The following DPY19L3 variants were observed in gnomAD, a reference collection of about 807,000 sequenced individuals.
The protein encoded by DPY19L3 is dpy-19 like C-mannosyltransferase 3.
DPY19L3 carries 51 observed loss-of-function variants against 92.3 expected under a neutral mutation model. That is an observed-to-expected ratio of 0.55 (90% confidence interval 0.44 to 0.70). The LOEUF (loss-of-function observed/expected upper bound fraction) is 0.70. DPY19L3 is among the 30% of genes least tolerant of loss of function. The pLI is 0.00. For missense variants in DPY19L3, 706 were observed against 855.9 expected (o/e 0.82, Z 2.18); for synonymous variants, 309 against 315.2 (o/e 0.98, Z 0.21).
intron 16 of DPY19L3, among the ~76,000 whole-genome samples, chr19:32,472,351 A>G (rs1260798928): frequency 6.6e-6 from 1 of 152,126 alleles, no homozygotes; most frequent in South Asian, 2.1e-4. Flanking sequence ...CGCCTTCCCT[A>G]AGAGCTGGGA....
intron 16 of DPY19L3, among the ~76,000 whole-genome samples, chr19:32,471,860 T>C (rs1970367972): frequency 6.6e-6 from 1 of 152,186 alleles, no homozygotes; most frequent in Admixed American, 6.5e-5. Context: ...ACCCAAGGGA[T>C]TGGATTCCTG....
At chr19:32,450,260 ACT>A (rs778609908) in intron 8 of DPY19L3, among the ~76,000 whole-genome samples, 17 of 152,084 alleles carry the variant, frequency 1.1e-4, no homozygotes, top group Non-Finnish European at 2.2e-4. Context: ...AGAAATCAGA[ACT>A]CTCATACATT....
In DPY19L3 at chr19:32,480,487, G is replaced by A. The variant is rs1350883082; in HGVS notation, c.1919G>A (p.Ser640Asn). ...ACTGACTACGTAATCCTGGAAGACA[G>A]CATCTGCTACGAGCGGAGGCACCGC... ...FGTDYVILEDSICYERRHRRG... is the reference protein window; with the variant it reads ...FGTDYVILEDNICYERRHRRG... The change falls in exon 18 of 19, where the codon AGC becomes AAC. Residue 640 changes from serine (S) to asparagine (N), a missense_variant. Coordinates refer to ENST00000392250, the MANE Select transcript of DPY19L3 (RefSeq NM_001172774.2). 9 of 1,614,220 alleles carry A rather than the reference G, an allele frequency of 5.6e-6. No homozygotes were observed. The highest frequency in any genetic ancestry group is 7.6e-6 in the Non-Finnish European group (9 of 1,180,032).
At chr19:32,436,406 AGT>A (rs1969140003) in intron 4 of DPY19L3, 38 bp from the exon 5 acceptor site, 3 of 1,348,534 alleles carry the variant, frequency 2.2e-6, no homozygotes, top group Non-Finnish European at 3.0e-6. Flanking sequence ...AATAATTATG[AGT>A]GTAATTATTT....
intron 3 of DPY19L3, among the ~76,000 whole-genome samples, chr19:32,415,582 C>T (rs1275701700): frequency 3.9e-5 from 6 of 152,102 alleles, no homozygotes; most frequent in Non-Finnish European, 5.9e-5. Context: ...GTAGAGGCAG[C>T]GATGTCATCG....
intron 16 of DPY19L3, among the ~76,000 whole-genome samples, chr19:32,474,953 C>A (rs780029656): frequency 1.4e-4 from 21 of 152,160 alleles, no homozygotes; most frequent in Non-Finnish European, 2.9e-4. Flanking sequence ...AATAGACCCT[C>A]AGCAATATTT....
At chr19:32,477,796 A>G in intron 17 of DPY19L3, 142 bp downstream of exon 17, 1 of 1,171,508 alleles carries the variant, frequency 8.5e-7, no homozygotes, top group Non-Finnish European at 1.2e-6. Context: ...CACGCTACTG[A>G]TAAAGGCATA....
At chr19:32,425,292 C>G (rs1968719461) in intron 3 of DPY19L3, among the ~76,000 whole-genome samples, 1 of 152,132 alleles carries the variant, frequency 6.6e-6, no homozygotes, top group Non-Finnish European at 1.5e-5. Flanking sequence ...TGGCTCATGC[C>G]TGTAATCTCA....
intron 2 of DPY19L3, among the ~76,000 whole-genome samples, chr19:32,408,582 T>TA (rs1037743089): frequency 3.9e-5 from 6 of 152,186 alleles, no homozygotes; most frequent in African/African-American, 1.4e-4. Flanking sequence ...TTCATTAACT[T>TA]ACGGTTCTTC....
At chr19:32,477,372 C>T in intron 16 of DPY19L3, 150 bp from the exon 17 acceptor site, 1 of 1,020,970 alleles carries the variant, frequency 9.8e-7, no homozygotes, top group Non-Finnish European at 1.4e-6. Flanking sequence ...GAGTACAAAT[C>T]AAAACCGAAG....
At chr19:32,446,761 A>G (rs938361490) in intron 8 of DPY19L3, among the ~76,000 whole-genome samples, 2 of 152,224 alleles carry the variant, frequency 1.3e-5, no homozygotes, top group African/African-American at 2.4e-5. Flanking sequence ...AAAATTCACA[A>G]TCGCAGTTTG....
chr19:32,463,272 T>C, intron 12 of DPY19L3, 94 bp from the exon 13 acceptor site: 2 of 1,350,008 alleles, frequency 1.5e-6, no homozygotes, highest in Non-Finnish European at 2.1e-6. Context: ...TCTGAATACA[T>C]AAAGGCATAC....
chr19:32,445,216 C>T (rs555557084), intron 8 of DPY19L3, among the ~76,000 whole-genome samples: 3 of 151,084 alleles, frequency 2.0e-5, no homozygotes, highest in East Asian at 2.0e-4. Context: ...CCGAGGCAGA[C>T]GGATCATGGG....
intron 3 of DPY19L3, among the ~76,000 whole-genome samples, chr19:32,426,947 A>G (rs1462463447): frequency 6.6e-6 from 1 of 152,180 alleles, no homozygotes; most frequent in East Asian, 1.9e-4. Flanking sequence ...GCGTGCCTGA[A>G]GTCGTTTCCC....
chr19:32,469,159 C>A (rs1176535289), intron 16 of DPY19L3: 1 of 166,804 alleles, frequency 6.0e-6, no homozygotes, highest in Non-Finnish European at 1.3e-5. Context: ...TTATTATTTT[C>A]ATTTTAATAC....
intron 8 of DPY19L3, among the ~76,000 whole-genome samples, chr19:32,450,722 G>C (rs906009937): frequency 2.6e-5 from 4 of 152,202 alleles, no homozygotes; most frequent in African/African-American, 4.8e-5. Context: ...GGATGATGGA[G>C]AGTGATGGCT....
chr19:32,472,331 T>G (rs1970382231), intron 16 of DPY19L3, among the ~76,000 whole-genome samples: 1 of 152,116 alleles, frequency 6.6e-6, no homozygotes, highest in African/African-American at 2.4e-5. Context: ...CAGGCTGCGG[T>G]AGCCCCAGCC....
intron 8 of DPY19L3, among the ~76,000 whole-genome samples, chr19:32,443,586 C>T (rs1215719813): frequency 6.6e-6 from 1 of 152,178 alleles, no homozygotes; most frequent in African/African-American, 2.4e-5. Flanking sequence ...TGATCTTGGA[C>T]TTGCCAGCCT....
At chr19:32,464,006 C>T in intron 14 of DPY19L3, 26 bp downstream of exon 14, 1 of 1,500,848 alleles carries the variant, frequency 6.7e-7, no homozygotes, top group Non-Finnish European at 9.2e-7. Flanking sequence ...TTTTCCATCT[C>T]CTTTTATGAC....
Sources: gnomAD v4.1 joint callset for allele counts (sites outside exome capture counted in the v4.1 genomes callset) on GRCh38, gnomAD v4.1.1 for gene constraint, MANE v1.5 for transcripts, NCBI Gene and HGNC (gene_info 2026-07-23, HGNC 2026-07-21) for gene names.